CRADD: variants seen among roughly 807,000 people sequenced by gnomAD.
The protein encoded by CRADD is death domain-containing protein CRADD.
In CRADD, 9 loss-of-function variants were observed where a neutral mutation model predicts 15.5. The ratio of observed to expected loss-of-function variants is 0.58; its 90% CI spans 0.35 to 1.01. The LOEUF (loss-of-function observed/expected upper bound fraction) is 1.01. Ranked by LOEUF, CRADD falls within the 50% of genes least tolerant of loss-of-function variation. The pLI, the probability that CRADD is intolerant of heterozygous loss-of-function variation, is 0.02. For missense variants in CRADD, 227 were observed against 250.3 expected, an observed-to-expected ratio of 0.91 and a Z score of 0.63; for synonymous variants, 118 against 107.6, an observed-to-expected ratio of 1.10 and a Z score of -0.60.
chr12:93,779,315 A>G (rs1485703665), intron 2 of CRADD, among the ~76,000 whole-genome samples: 1 of 152,234 alleles, frequency 6.6e-6, no homozygotes, highest in African/African-American at 2.4e-5. Context: ...TTGAAGTAGA[A>G]TTGACTAAAA....
intron 2 of CRADD, among the ~76,000 whole-genome samples, chr12:93,801,456 T>G (rs956679961): frequency 2.0e-5 from 3 of 152,122 alleles, no homozygotes; most frequent in Non-Finnish European, 2.9e-5. Context: ...TGGAGTGCAG[T>G]GGTATGATCT....
intron 2 of CRADD, chr12:93,735,725 A>AC (rs1956555420): frequency 6.6e-6 from 1 of 152,146 alleles, no homozygotes; most frequent in South Asian, 2.1e-4. Flanking sequence ...ACAAAGTGAG[A>AC]CCCCATCTCT....
intron 2 of CRADD, among the ~76,000 whole-genome samples, chr12:93,764,208 C>T (rs917039047): frequency 2.4e-5 from 3 of 125,356 alleles, no homozygotes; most frequent in African/African-American, 8.9e-5. Context: ...TGCTTAAGAA[C>T]GATCACTCTG....
At chr12:93,846,546 T>TA (rs984028286) in intron 2 of CRADD, 1 of 141,170 alleles carries the variant, frequency 7.1e-6, no homozygotes, top group Non-Finnish European at 1.6e-5. Flanking sequence ...AGAAAAGAAA[T>TA]AAAGAACAAA....
At chr12:93,795,319 C>T (rs1187349655) in intron 2 of CRADD, among the ~76,000 whole-genome samples, 2 of 152,182 alleles carry the variant, frequency 1.3e-5, no homozygotes, top group Non-Finnish European at 2.9e-5. Flanking sequence ...CCCTAAGTTC[C>T]TGCTCATCTG....
intron 1 of CRADD, 48 bp downstream of exon 1, chr12:93,677,520 T>A (rs1045590260): frequency 1.3e-5 from 2 of 152,262 alleles, no homozygotes; most frequent in Admixed American, 1.3e-4. Context: ...CATTGTAGCG[T>A]CTGCGACCTG....
chr12:93,738,707 A>C, intron 2 of CRADD: 1 of 405,292 alleles, frequency 2.5e-6, no homozygotes, highest in Non-Finnish European at 4.3e-6. Context: ...TGGAAATCTT[A>C]ACTTCATTTC....
chr12:93,723,818 CCT>C (rs1361688062), intron 2 of CRADD, among the ~76,000 whole-genome samples: 1 of 152,094 alleles, frequency 6.6e-6, no homozygotes, highest in Admixed American at 6.5e-5. Flanking sequence ...GGTTTTATTT[CCT>C]CTTAGGTGGG....
intron 2 of CRADD, among the ~76,000 whole-genome samples, chr12:93,681,986 C>T (rs1359454261): frequency 6.6e-6 from 1 of 152,102 alleles, no homozygotes; most frequent in East Asian, 1.9e-4. Flanking sequence ...ATAGTTAACA[C>T]CTTCTCTTGT....
intron 2 of CRADD, among the ~76,000 whole-genome samples, chr12:93,703,050 G>A (rs1348021032): frequency 2.0e-5 from 3 of 152,064 alleles, no homozygotes; most frequent in Admixed American, 1.3e-4. Flanking sequence ...GACTCCCAAA[G>A]CCAGCCAAAT....
chr12:93,883,758 A>G (rs1207424726), intron 2 of CRADD, among the ~76,000 whole-genome samples: 3 of 152,238 alleles, frequency 2.0e-5, no homozygotes, highest in Non-Finnish European at 4.4e-5. Flanking sequence ...TGTTAAGCCC[A>G]GAAGTCCTAG....
chr12:93,687,911 T>C (rs1020266861), intron 2 of CRADD, among the ~76,000 whole-genome samples: 2 of 152,196 alleles, frequency 1.3e-5, no homozygotes, highest in African/African-American at 4.8e-5. Flanking sequence ...TTGGAGGAGT[T>C]TGAATTGCTA....
intron 2 of CRADD, among the ~76,000 whole-genome samples, chr12:93,783,777 A>T (rs1013534754): frequency 1.3e-5 from 2 of 152,250 alleles, no homozygotes; most frequent in African/African-American, 4.8e-5. Context: ...TTTTAGGACT[A>T]TCACAAGAAA....
intron 2 of CRADD, among the ~76,000 whole-genome samples, chr12:93,710,646 G>T (rs1386675889): frequency 6.6e-6 from 1 of 152,096 alleles, no homozygotes; most frequent in Non-Finnish European, 1.5e-5. Context: ...TGCCTGGCCA[G>T]CTTCTATTTC....
intron 2 of CRADD, among the ~76,000 whole-genome samples, chr12:93,688,996 A>T (rs536834811): frequency 6.9e-4 from 105 of 152,106 alleles, no homozygotes; most frequent in African/African-American, 2.4e-3. Context: ...CTCATTTTAT[A>T]CTTTTTTGGT....
At chr12:93,847,530 T>C (rs1201143781) in intron 2 of CRADD, among the ~76,000 whole-genome samples, 1 of 116,338 alleles carries the variant, frequency 8.6e-6, no homozygotes, top group African/African-American at 3.3e-5. Context: ...AACCTCCCTG[T>C]GATGAAATTG....
intron 2 of CRADD, among the ~76,000 whole-genome samples, chr12:93,821,517 A>G: frequency 6.6e-6 from 1 of 152,220 alleles, no homozygotes; most frequent in Non-Finnish European, 1.5e-5. Flanking sequence ...ACACCATGTA[A>G]CTTGATTAAT....
chr12:93,744,272 T>C (rs544656352), intron 2 of CRADD, among the ~76,000 whole-genome samples: 2 of 152,290 alleles, frequency 1.3e-5, no homozygotes, highest in African/African-American at 4.8e-5. Flanking sequence ...TTTAGTTCCA[T>C]GTGGTAGTTG....
chr12:93,715,058 T>A (rs61259393), intron 2 of CRADD, among the ~76,000 whole-genome samples: 2,484 of 145,710 alleles, frequency 0.017, 60 homozygotes, highest in African/African-American at 0.066. Flanking sequence ...CAATGTCCTT[T>A]TTTTATTAAA....
Sources: gnomAD v4.1 joint callset for allele counts (sites outside exome capture counted in the v4.1 genomes callset) on GRCh38, gnomAD v4.1.1 for gene constraint, MANE v1.5 for transcripts, NCBI Gene and HGNC (gene_info 2026-07-23, HGNC 2026-07-21) for gene names.